The following NAPEPLD variants were observed in gnomAD, a reference collection of about 807,000 sequenced individuals.
NAPEPLD encodes N-acyl-phosphatidylethanolamine-hydrolyzing phospholipase D.
A neutral mutation model predicts 38.1 loss-of-function variants in NAPEPLD; 23 were observed. The ratio of observed to expected loss-of-function variants is 0.60; its 90% CI spans 0.43 to 0.86. NAPEPLD has a LOEUF of 0.86. Ranked by LOEUF, NAPEPLD falls within the 40% of genes least tolerant of loss-of-function variation. The probability of loss-of-function intolerance (pLI) is 0.00; values close to 1 mark genes in which losing one functional copy is unlikely to be tolerated. For missense variants in NAPEPLD, 411 were observed against 476.8 expected, an observed-to-expected ratio of 0.86 and a Z score of 1.28; for synonymous variants, 147 against 162.0, an observed-to-expected ratio of 0.91 and a Z score of 0.71.
chr7:103,128,697 G>A lies in NAPEPLD; in HGVS notation c.80C>T (p.Ser27Leu), dbSNP rs767899867. The A allele has an allele frequency of 4.3e-5, 70 of 1,614,000 alleles. No individual in the cohort carries two copies. In the South Asian group the frequency reaches 6.8e-4, roughly 16 times the overall value. Reference protein sequence around the residue: ...PKEAVRKRQNSARNSGASDSS... With the variant: ...PKEAVRKRQNLARNSGASDSS... Reference sequence around the variant, plus strand: ...ATCACTTGCTCCGGAATTCCGTGCTGAATTTTGACGTTTTCTTACTGCTTC... The same window carrying A: ...ATCACTTGCTCCGGAATTCCGTGCTAAATTTTGACGTTTTCTTACTGCTTC... The change falls in exon 2 of 5, where the codon TCA becomes TTA. Residue 27 changes from serine to leucine, a missense_variant. Physicochemically the swap from Ser to Leu is moderately radical, Grantham distance 145 (BLOSUM62 -2). Transcript: ENST00000465647.
chr7:103,130,250 C>G (rs139539696), intron 1 of NAPEPLD, among the ~76,000 whole-genome samples: 55 of 152,214 alleles, frequency 3.6e-4, no homozygotes, highest in Non-Finnish European at 5.7e-4. Context: ...TACACAGAAC[C>G]AAAACTTTTT....
At chr7:103,138,118 C>T (rs1287931587) in intron 1 of NAPEPLD, among the ~76,000 whole-genome samples, 1 of 151,782 alleles carries the variant, frequency 6.6e-6, no homozygotes, top group Non-Finnish European at 1.5e-5. Context: ...GCTGGGATTA[C>T]AGGCATGCGC....
At chr7:103,146,947 T>C (rs990554245) in intron 1 of NAPEPLD, among the ~76,000 whole-genome samples, 3 of 152,200 alleles carry the variant, frequency 2.0e-5, no homozygotes, top group African/African-American at 7.2e-5. Flanking sequence ...TATATACATA[T>C]ATTTAAAATA....
intron 4 of NAPEPLD, among the ~76,000 whole-genome samples, chr7:103,105,609 C>T (rs1367378615): frequency 6.6e-6 from 1 of 152,142 alleles, no homozygotes; most frequent in Non-Finnish European, 1.5e-5. Context: ...CACGAGGCAG[C>T]TACTATAACA....
At chr7:103,107,127 T>G (rs1803532669) in intron 4 of NAPEPLD, among the ~76,000 whole-genome samples, 1 of 152,074 alleles carries the variant, frequency 6.6e-6, no homozygotes, top group Admixed American at 6.5e-5. Context: ...GGAGTGGACC[T>G]CCAGCAAACT....
intron 2 of NAPEPLD, among the ~76,000 whole-genome samples, chr7:103,125,909 AATAATAAT>A (rs1218452149): frequency 1.3e-5 from 2 of 148,904 alleles, no homozygotes; most frequent in Admixed American, 6.7e-5. Context: ...TAATAATAAT[AATAATAAT>A]AATAAATAAA....
intron 1 of NAPEPLD, among the ~76,000 whole-genome samples, chr7:103,138,088 G>A (rs1462579093): frequency 1.3e-5 from 2 of 149,496 alleles, no homozygotes; most frequent in Non-Finnish European, 3.0e-5. Context: ...ACCGATTCTC[G>A]TGCCTCAGCC....
chr7:103,110,522 C>A (rs190197328), intron 4 of NAPEPLD, among the ~76,000 whole-genome samples: 5 of 152,232 alleles, frequency 3.3e-5, no homozygotes, highest in Admixed American at 3.3e-4. Context: ...AGGCCTTCGA[C>A]AAAATTCAAC....
At chr7:103,128,179 T>G (rs185769576) in intron 2 of NAPEPLD, 1 of 358,226 alleles carries the variant, frequency 2.8e-6, no homozygotes, top group Admixed American at 4.3e-5. Context: ...TACTTTTTAG[T>G]TGACTAGGCC....
rs1018716199 is a variant in NAPEPLD at position 103,119,686 on chromosome 7, G to A, written c.832C>T (p.Arg278Ter). Residue 278 changes from arginine to a stop codon, truncating the protein, a stop_gained, in exon 3 of 5, where the codon CGA becomes TGA. Transcript: ENST00000465647. LOFTEE classifies it high-confidence loss of function. ...GSWSVLGPWNRFFFAGDTGYC... is the reference protein window; with the variant it reads ...GSWSVLGPWN ...CCAGTATCTCCTGCGAAAAAAAATCGATTCCAAGGCCCCAAGACAGACCAG... is the reference window on the plus strand; with the variant it reads ...CCAGTATCTCCTGCGAAAAAAAATCAATTCCAAGGCCCCAAGACAGACCAG... The A allele has an allele frequency of 9.9e-6, 16 of 1,614,000 alleles. No homozygotes were observed. The highest frequency in any genetic ancestry group is 2.2e-5 in the South Asian group (2 of 91,076).
intron 1 of NAPEPLD, among the ~76,000 whole-genome samples, chr7:103,138,519 A>C (rs1810553390): frequency 6.7e-6 from 1 of 148,318 alleles, no homozygotes; most frequent in Admixed American, 6.8e-5. Flanking sequence ...CCCAGGCTGG[A>C]GTCCAGTGGT....
chr7:103,149,655 T>C, upstream of NAPEPLD: 2 of 314,286 alleles, frequency 6.4e-6, no homozygotes, highest in Non-Finnish European at 1.1e-5. Flanking sequence ...GCACGCGGCC[T>C]GCCCCGGCCC....
At chr7:103,145,483 A>C (rs562923613) in intron 1 of NAPEPLD, among the ~76,000 whole-genome samples, 1 of 152,364 alleles carries the variant, frequency 6.6e-6, no homozygotes, top group Admixed American at 6.5e-5. Flanking sequence ...AAAGTATTTC[A>C]TATCTGTGAA....
At chr7:103,128,335 T>C in intron 2 of NAPEPLD, 148 bp downstream of exon 2, 1 of 902,898 alleles carries the variant, frequency 1.1e-6, no homozygotes, top group Non-Finnish European at 1.7e-6. Flanking sequence ...ACTCTGCTAC[T>C]GAACGATGAA....
chr7:103,149,142 T>C, upstream of NAPEPLD: 1 of 987,954 alleles, frequency 1.0e-6, no homozygotes, highest in Non-Finnish European at 1.2e-6. Context: ...AGCAGAGAGG[T>C]CACAGAGCAC....
At chr7:103,111,708 T>C (rs770270032) in intron 4 of NAPEPLD, among the ~76,000 whole-genome samples, 1 of 152,090 alleles carries the variant, frequency 6.6e-6, no homozygotes, top group African/African-American at 2.4e-5. Flanking sequence ...GGGCAAAGAC[T>C]TCATGACTAA....
intron 2 of NAPEPLD, among the ~76,000 whole-genome samples, chr7:103,125,815 A>C (rs1048812046): frequency 1.3e-4 from 19 of 151,972 alleles, no homozygotes; most frequent in Non-Finnish European, 2.6e-4. Flanking sequence ...TGAACCCGGG[A>C]GGCAGAGGTT....
chr7:103,110,022 G>A (rs1401960078), intron 4 of NAPEPLD, among the ~76,000 whole-genome samples: 2 of 152,146 alleles, frequency 1.3e-5, no homozygotes, highest in African/African-American at 4.8e-5. Flanking sequence ...AAACCAGGAA[G>A]AAGTCAAATT....
chr7:103,141,357 T>C, intron 1 of NAPEPLD: 2 of 780,972 alleles, frequency 2.6e-6, no homozygotes, highest in East Asian at 4.9e-5. Context: ...TTTTATTTCT[T>C]GGTCTCTTCC....
Sources: allele counts gnomAD v4.1 joint callset (sites outside exome capture counted in the v4.1 genomes callset), GRCh38; gene constraint gnomAD v4.1.1; transcripts MANE v1.5; gene names NCBI Gene and HGNC (gene_info 2026-07-23, HGNC 2026-07-21).